The following ZNF253 variants were observed in gnomAD, a reference collection of about 807,000 sequenced individuals.
The protein encoded by ZNF253 is zinc finger protein 253, also known as DNA-binding protein.
ZNF253 carries 8 observed loss-of-function variants against 11.9 expected under a neutral mutation model. That is an observed-to-expected ratio of 0.67 (90% confidence interval 0.40 to 1.22). The LOEUF (loss-of-function observed/expected upper bound fraction) is 1.22, where lower values mean the gene tolerates loss of function less well. ZNF253 is among the 50% of genes most tolerant of loss of function. The pLI is 0.01. For synonymous variants in ZNF253, 194 were observed against 194.9 expected, an observed-to-expected ratio of 1.00 and a Z score of 0.04; for missense variants, 485 against 586.9, an observed-to-expected ratio of 0.83 and a Z score of 1.79.
In ZNF253 at chr19:19,891,624, A is replaced by G. The variant is rs1458369163; in HGVS notation, c.377A>G (p.Lys126Arg). Reference sequence around the variant, plus strand: ...AGCGTGGGTGAGCATAAGGTGCACAAAGGAGGTTATAATGGACTTAACCAA... The same window carrying G: ...AGCGTGGGTGAGCATAAGGTGCACAGAGGAGGTTATAATGGACTTAACCAA... ...CKSVGEHKVH[K>R]GGYNGLNQCL... is the part of the protein sequence containing the mutation. Residue 126 changes from lysine (K) to arginine (R), a missense_variant, in exon 4 of 4, where the codon AAA (lysine) becomes AGA (arginine). Around this residue, in one of 3 missense-constraint regions of ZNF253, gnomAD observed 218 missense variants for 213.1 expected, o/e 1.02. Coordinates refer to ENST00000589717, the MANE Select transcript of ZNF253 (RefSeq NM_021047.3). The G allele has an allele frequency of 1.4e-5, 23 of 1,614,180 alleles. No individual in the cohort carries two copies. The highest frequency in any genetic ancestry group is 1.9e-5 in the Non-Finnish European group (23 of 1,180,010).
intron 1 of ZNF253, among the ~76,000 whole-genome samples, chr19:19,872,588 T>G (rs916386317): frequency 3.3e-5 from 4 of 121,418 alleles, no homozygotes; most frequent in Admixed American, 3.0e-4. Context: ...TATTATTATA[T>G]ATATATATAT....
chr19:19,890,516 G>A (rs1379791163), intron 3 of ZNF253, among the ~76,000 whole-genome samples: 1 of 148,834 alleles, frequency 6.7e-6, no homozygotes, highest in East Asian at 1.9e-4. Flanking sequence ...GTGTGTGTGT[G>A]TGTGTGTGTG....
chr19:19,877,383 T>C (rs1269106699), intron 1 of ZNF253, among the ~76,000 whole-genome samples: 2 of 151,630 alleles, frequency 1.3e-5, no homozygotes, highest in Non-Finnish European at 2.9e-5. Flanking sequence ...TCTTCTTCTT[T>C]TTTTTTTTTT....
intron 3 of ZNF253, among the ~76,000 whole-genome samples, chr19:19,886,849 G>GT (rs1289470065): frequency 6.6e-6 from 1 of 151,994 alleles, no homozygotes; most frequent in African/African-American, 2.4e-5. Flanking sequence ...TGTTAGCTAA[G>GT]TTTTTTTCTT....
chr19:19,874,652 C>G (rs2063147253), intron 1 of ZNF253, among the ~76,000 whole-genome samples: 1 of 152,160 alleles, frequency 6.6e-6, no homozygotes, highest in South Asian at 2.1e-4. Flanking sequence ...TGGCTCACGC[C>G]TGTAATCCCA....
chr19:19,879,027 C>T (rs947995249), intron 2 of ZNF253, among the ~76,000 whole-genome samples: 6 of 151,968 alleles, frequency 3.9e-5, no homozygotes, highest in Non-Finnish European at 8.8e-5. Context: ...AAAATTTAAC[C>T]GATGGGAAAA....
intron 3 of ZNF253, among the ~76,000 whole-genome samples, chr19:19,885,293 C>CTTTCT (rs1568499026): frequency 1.3e-4 from 3 of 22,568 alleles, no homozygotes; most frequent in Admixed American, 4.7e-4. Context: ...CTTTCTTTCT[C>CTTTCT]TTTCTTTTCT....
intron 1 of ZNF253, among the ~76,000 whole-genome samples, chr19:19,873,273 G>C (rs2063142191): frequency 6.7e-6 from 1 of 149,140 alleles, no homozygotes. Flanking sequence ...TACTGGAGTA[G>C]AGTATTTTTG....
intron 1 of ZNF253, among the ~76,000 whole-genome samples, chr19:19,869,883 C>T (rs1048389523): frequency 6.6e-6 from 1 of 151,652 alleles, no homozygotes; most frequent in African/African-American, 2.4e-5. Flanking sequence ...GTTGGTCAGA[C>T]TGGTCTCGAA....
Position 19,878,472 on chromosome 19 carries a change from G to GTA in ZNF253, c.4-8_4-7insAT, listed in dbSNP as rs1198063060. The GTA allele has an allele frequency of 6.2e-7, 1 of 1,612,932 alleles. No homozygotes were observed. Among genetic ancestry groups the GTA allele is most frequent in the Non-Finnish European group, 8.5e-7 (1 of 1,179,516 alleles). On this transcript the variant is annotated splice_polypyrimidine_tract_variant and intron_variant, in intron 1 of 3. Coordinates refer to ENST00000589717, the MANE Select transcript of ZNF253 (RefSeq NM_021047.3). ...ATTTAGTAATTATGTGTGTGTGTGT[G>GTA]TTTTCCAGGGACCATTGCAATTTAG... is the stretch of plus-strand genomic sequence containing the variant.
At chr19:19,878,073 T>TAA (rs3841055) in intron 1 of ZNF253, among the ~76,000 whole-genome samples, 1 of 151,230 alleles carries the variant, frequency 6.6e-6, no homozygotes, top group Non-Finnish European at 1.5e-5. Context: ...TCTTCCGGAA[T>TAA]AAAAAAAAAC....
chr19:19,881,648 C>CAAA (rs11301803), intron 3 of ZNF253, among the ~76,000 whole-genome samples: 1 of 95,480 alleles, frequency 1.0e-5, no homozygotes. Flanking sequence ...GACTCCTACT[C>CAAA]AAAAAAAAAA....
rs2063108483 is a variant in ZNF253, at chr19:19,865,908, T to A, written c.-89T>A. On this transcript the variant is annotated 5_prime_UTR_variant, in exon 1 of 4. Coordinates refer to ENST00000589717, the MANE Select transcript of ZNF253 (RefSeq NM_021047.3). ...TTTATCCTCAGTGTTCTGTGTCCTG[T>A]GCTTATAGAGGCCCGTCCTCTGTGG... 1 of 1,521,624 alleles carries A rather than the reference T, an allele frequency of 6.6e-7. No individual in the cohort carries two copies. Among genetic ancestry groups the A allele is most frequent in the Non-Finnish European group, 9.1e-7 (1 of 1,095,818 alleles). The allele number at this position is 1,521,624 out of a possible 1,614,324, so 94.3% of individuals were successfully genotyped here. A position where few individuals can be genotyped will look rare whatever the true frequency, so the allele number is the denominator to read the frequency against.
rs1436814794 is a variant in ZNF253 at position 19,865,981 on chromosome 19, C to T, written c.-16C>T. 7 of 1,614,032 alleles carry T rather than the reference C, an allele frequency of 4.3e-6. No individual in the cohort carries two copies. Among genetic ancestry groups the T allele is most frequent in the Non-Finnish European group, 5.1e-6 (6 of 1,180,028 alleles). The stretch of plus-strand genomic sequence containing the variant: ...GAGAGCCACAGCTAAACCCCGGGAC[C>T]CCTGGAAGCCTAGAAATGGTGAGTG... On this transcript the variant is annotated 5_prime_UTR_variant, in exon 1 of 4. Coordinates refer to ENST00000589717, the MANE Select transcript of ZNF253 (RefSeq NM_021047.3).
rs989157547 is a variant in ZNF253 at position 19,882,122 on chromosome 19, G to A, written c.226+1976G>A. Among the ~76,000 whole-genome samples, 17 of 152,014 alleles carry A rather than the reference G, an allele frequency of 1.1e-4. No individual in the cohort carries two copies. In the East Asian group the frequency reaches 2.3e-3, roughly 21 times the overall value. On this transcript the variant is annotated intron_variant, in intron 3 of 3. Transcript: ENST00000589717. The stretch of plus-strand genomic sequence containing the variant: ...GAGAATCGCTTGAATCAGGGAGGCG[G>A]AGGTTGCAGTGAGCCAAGATCACAC...
chr19:19,885,864 G>A (rs561098494), intron 3 of ZNF253, among the ~76,000 whole-genome samples: 8 of 152,258 alleles, frequency 5.3e-5, no homozygotes, highest in Non-Finnish European at 8.8e-5. Flanking sequence ...TGACCCCTGA[G>A]CAAGAATGTT....
chr19:19,872,580 T>TATATATATATATATA lies in ZNF253; in HGVS notation c.4-5901_4-5900insATATATATATATATA, dbSNP rs1555777030. ...CCATAACTATATATATATATATATA[T>TATATATATATATATA]TATTATATATATATATATATAATCA... On this transcript the variant is annotated intron_variant, in intron 1 of 3. Transcript: ENST00000589717. Among the ~76,000 whole-genome samples the TATATATATATATATA allele has an allele frequency of 9.4e-4, 102 of 108,348 alleles. 1 individual carries two copies. Among genetic ancestry groups the TATATATATATATATA allele is most frequent in the African/African-American group, 4.0e-3 (79 of 19,542 alleles). 71.1% of individuals were successfully genotyped at this position (108,348 alleles called of 152,430 possible). A position where few individuals can be genotyped will look rare whatever the true frequency, so the allele number is the denominator to read the frequency against.
In ZNF253 at chr19:19,869,531, T is replaced by C. The variant is rs1224194860; in HGVS notation, c.3+3532T>C. On this transcript the variant is annotated intron_variant, in intron 1 of 3. Coordinates refer to ENST00000589717, the MANE Select transcript of ZNF253 (RefSeq NM_021047.3). The stretch of plus-strand genomic sequence containing the variant: ...CATGCACCACCAGGCCCAGCTCATT[T>C]TGTATTTTTAATAGAGATGCGGTTT... Among the ~76,000 whole-genome samples the C allele has an allele frequency of 4.6e-5, 7 of 151,922 alleles. No homozygotes were observed. The East Asian group carries it at 1.3e-3, about 29-fold the overall frequency.
Position 19,892,134 on chromosome 19 carries a change from C to G in ZNF253, c.887C>G (p.Pro296Arg), listed in dbSNP as rs1226129070. The G allele has an allele frequency of 7.4e-6, 12 of 1,613,722 alleles. No homozygotes were observed. Among genetic ancestry groups the G allele is most frequent in the Non-Finnish European group, 1.0e-5 (12 of 1,179,940 alleles). Residue 296 changes from proline (P) to arginine (R), a missense_variant, in exon 4 of 4, where the codon CCC becomes CGC. Pro to Arg is a moderately radical substitution (Grantham distance 103). Around this residue, in one of 3 missense-constraint regions of ZNF253, gnomAD observed 232 missense variants for 321.4 expected, o/e 0.72. Coordinates refer to ENST00000589717, the MANE Select transcript of ZNF253 (RefSeq NM_021047.3). ...GAATGTGGCAAAGCCTTTAAGCACC[C>G]CTCACACGTTACCACACATAAGAAA... ...CEECGKAFKH[P>R]SHVTTHKKIH...
Sources: allele counts gnomAD v4.1 joint callset (sites outside exome capture counted in the v4.1 genomes callset), GRCh38; gene constraint gnomAD v4.1.1; regional missense constraint gnomAD v4.1.1; transcripts MANE v1.5; gene names NCBI Gene and HGNC (gene_info 2026-07-23, HGNC 2026-07-21).